ITIH6: variants seen among roughly 807,000 people sequenced by gnomAD.
ITIH6 encodes the protein inter-alpha-trypsin inhibitor heavy chain family member 6.
Under a neutral mutation model 58.2 loss-of-function variants are expected in ITIH6, and 60 were observed. The observed-to-expected ratio is 1.03, with a 90% CI of 0.84 to 1.28. The LOEUF (loss-of-function observed/expected upper bound fraction) is 1.28, where lower values mean the gene tolerates loss of function less well. Ranked by LOEUF, ITIH6 falls within the 50% of genes most tolerant of loss-of-function variation. ITIH6 has a pLI of 0.00. For synonymous variants in ITIH6, 493 were observed against 417.4 expected (o/e 1.18, Z -2.21); for missense variants, 1,290 against 1,021.1 (o/e 1.26, Z -3.59).
rs769916989 is a variant in ITIH6, at chrX:54,757,164, G to A, written c.2910C>T (p.Leu970=). ...CTTCTGGTGTAGGCCTGGAGCTGTT[G>A]AGTAGGCTCATTGTTGGAACTCCTG... ...SRPGVPTMSL[L]NSSRPTPEGS... is the part of the protein sequence containing the mutation. Residue 970 remains leucine, a synonymous_variant, in exon 8 of 13, where the codon CTC becomes CTT. Transcript: ENST00000218436. 8.3e-7 allele frequency: 1 copy of A among 1,210,193 alleles called. No homozygotes were observed. Among genetic ancestry groups the A allele is most frequent in the South Asian group, 1.8e-5 (1 of 56,684 alleles).
intron 6 of ITIH6, among the ~76,000 whole-genome samples, chrX:54,771,234 A>G (rs145057552): frequency 2.3e-3 from 260 of 111,783 alleles, no homozygotes; most frequent in African/African-American, 8.1e-3. Flanking sequence ...TGCATAATTT[A>G]TTTTGGAAAA....
At chrX:54,774,412 C>T (rs1418787570) in intron 5 of ITIH6, among the ~76,000 whole-genome samples, 1 of 112,917 alleles carries the variant, frequency 8.9e-6, no homozygotes, top group Non-Finnish European at 1.9e-5. Flanking sequence ...CCGGGGCCTG[C>T]CCCAGAGCTG....
chrX:54,768,449 G>T (rs546438561), intron 6 of ITIH6, among the ~76,000 whole-genome samples: 76 of 83,312 alleles, frequency 9.1e-4, no homozygotes, highest in Non-Finnish European at 1.4e-3. Flanking sequence ...GTTAGCTGGT[G>T]ATTTTGCTCG....
intron 6 of ITIH6, among the ~76,000 whole-genome samples, chrX:54,766,066 C>A (rs1224167731): frequency 9.0e-6 from 1 of 110,618 alleles, no homozygotes; most frequent in Non-Finnish European, 1.9e-5. Flanking sequence ...CTTTTATATC[C>A]TTGAGCAGTG....
chrX:54,794,985 T>C (rs1248796288), intron 2 of ITIH6, among the ~76,000 whole-genome samples: 1 of 111,873 alleles, frequency 8.9e-6, no homozygotes, highest in Non-Finnish European at 1.9e-5. Flanking sequence ...ACACCATCTA[T>C]ATTTACTTAC....
chrX:54,765,594 C>CTTTTTTTTTTTTT (rs1178444249), intron 6 of ITIH6, among the ~76,000 whole-genome samples: 6 of 79,205 alleles, frequency 7.6e-5, no homozygotes, highest in Non-Finnish European at 1.2e-4. Flanking sequence ...TATTTCTTTT[C>CTTTTTTTTTTTTT]TTTTTTTTTT....
chrX:54,770,367 C>G (rs758034538), intron 6 of ITIH6, among the ~76,000 whole-genome samples: 2 of 112,860 alleles, frequency 1.8e-5, no homozygotes, highest in Non-Finnish European at 3.7e-5. Flanking sequence ...GAGCTGTAGA[C>G]CGGAGCTGTT....
chrX:54,764,259 C>CT (rs1189984742), intron 6 of ITIH6, among the ~76,000 whole-genome samples: 100 of 101,404 alleles, frequency 9.9e-4, no homozygotes, highest in Middle Eastern at 4.9e-3. Context: ...TTTTAAAATT[C>CT]TTTTTTTTTT....
intron 5 of ITIH6, among the ~76,000 whole-genome samples, chrX:54,775,780 A>C (rs745446035): frequency 2.6e-4 from 29 of 111,093 alleles, no homozygotes; most frequent in Non-Finnish European, 5.1e-4. Context: ...CAGACTGGCT[A>C]CTGTGCCCAC....
chrX:54,795,974 C>A (rs973039440), intron 2 of ITIH6, among the ~76,000 whole-genome samples: 1 of 112,139 alleles, frequency 8.9e-6, no homozygotes, highest in Admixed American at 9.4e-5. Context: ...AAGCAATCCT[C>A]CTGCCTCAGC....
intron 3 of ITIH6, among the ~76,000 whole-genome samples, chrX:54,791,292 A>G (rs906397584): frequency 1.8e-5 from 2 of 108,608 alleles, no homozygotes; most frequent in African/African-American, 6.7e-5. Flanking sequence ...TCAGCCTCCT[A>G]AATATTCTGC....
At chrX:54,764,523 T>G (rs1928726591) in intron 6 of ITIH6, among the ~76,000 whole-genome samples, 1 of 107,818 alleles carries the variant, frequency 9.3e-6, no homozygotes, top group African/African-American at 3.4e-5. Context: ...GATTTTTTGT[T>G]CTTGCGATAG....
At position 54,753,982 on chromosome X, in the gene ITIH6, G is replaced by T; in HGVS notation, c.3203-17C>A. On this transcript the variant is annotated splice_polypyrimidine_tract_variant and intron_variant, in intron 9 of 12. Coordinates refer to ENST00000218436, the MANE Select transcript of ITIH6 (RefSeq NM_198510.3). ...GCAATGTGCCTGCAAAGGAGAGAGA[G>T]ACTGTGTTGGGAAGGGACTAATGTA... 8.3e-7 allele frequency: 1 copy of T among 1,204,536 alleles called. No homozygotes were observed. Among genetic ancestry groups the T allele is most frequent in the Non-Finnish European group, 1.1e-6 (1 of 890,093 alleles).
At chrX:54,759,442 G>A (rs1006025727) in intron 7 of ITIH6, among the ~76,000 whole-genome samples, 2 of 111,852 alleles carry the variant, frequency 1.8e-5, no homozygotes, top group Non-Finnish European at 3.8e-5. Context: ...TTCCTCAAAT[G>A]CTTGGAAATA....
intron 5 of ITIH6, among the ~76,000 whole-genome samples, chrX:54,782,509 C>T (rs1929167632): frequency 9.0e-6 from 1 of 111,395 alleles, no homozygotes; most frequent in African/African-American, 3.3e-5. Context: ...AAACAAACCC[C>T]CATGACCCAC....
chrX:54,770,420 CTT>C (rs1184330431), intron 6 of ITIH6, among the ~76,000 whole-genome samples: 1 of 112,946 alleles, frequency 8.9e-6, no homozygotes, highest in African/African-American at 3.2e-5. Context: ...ATTCTTTACT[CTT>C]ATGTCTTCCA....
At chrX:54,797,249 T>C (rs1602069904) in intron 1 of ITIH6, among the ~76,000 whole-genome samples, 153 bp from the exon 2 acceptor site, 1 of 111,861 alleles carries the variant, frequency 8.9e-6, no homozygotes. Flanking sequence ...CTGTCATCCA[T>C]TTGGTGGATC....
intron 6 of ITIH6, among the ~76,000 whole-genome samples, chrX:54,768,126 A>G (rs1602058692): frequency 1.4e-5 from 1 of 73,759 alleles, no homozygotes; most frequent in Non-Finnish European, 2.4e-5. Context: ...TGTTGAATTG[A>G]TCCCTTTACC....
intron 5 of ITIH6, among the ~76,000 whole-genome samples, chrX:54,788,107 G>A (rs752890913): frequency 1.2e-4 from 13 of 112,018 alleles, no homozygotes; most frequent in Non-Finnish European, 2.3e-4. Flanking sequence ...GAGAGAGCAA[G>A]GAAGCCCAAG....
Sources: gnomAD v4.1 joint callset for allele counts (sites outside exome capture counted in the v4.1 genomes callset) on GRCh38, gnomAD v4.1.1 for gene constraint, MANE v1.5 for transcripts, NCBI Gene and HGNC (gene_info 2026-07-23, HGNC 2026-07-21) for gene names.